Variants in PRKCQ observed in about 807,000 individuals in gnomAD.
PRKCQ encodes the protein protein kinase C theta.
In PRKCQ, 41 loss-of-function variants were observed where a neutral mutation model predicts 91.2. The ratio of observed to expected loss-of-function variants is 0.45; its 90% CI spans 0.35 to 0.58. The LOEUF (loss-of-function observed/expected upper bound fraction) is 0.58, where lower values mean the gene tolerates loss of function less well. PRKCQ is among the 20% of genes least tolerant of loss of function. The pLI, the probability that PRKCQ is intolerant of heterozygous loss-of-function variation, is 0.00. For missense variants in PRKCQ, 673 were observed against 896.5 expected, an observed-to-expected ratio of 0.75 and a Z score of 3.18; for synonymous variants, 307 against 316.9, an observed-to-expected ratio of 0.97 and a Z score of 0.33.
In PRKCQ at chr10:6,430,425, C is replaced by T. The variant is rs769167889; in HGVS notation, c.1965+385G>A. Among the ~76,000 whole-genome samples the T allele has an allele frequency of 2.6e-5, 4 of 152,158 alleles. No homozygotes were observed. The highest frequency in any genetic ancestry group is 2.1e-4 in the South Asian group (1 of 4,830). On this transcript the variant is annotated intron_variant, in intron 17 of 17. Transcript: ENST00000263125. The surrounding 1 kb of genome is among the most constrained non-coding windows in gnomAD (Gnocchi z 4.7). ...GAAAAAACAGCTCCAAAATTCCTGA[C>T]GTAGGATGCAGGGTTTATGTCCAAG...
chr10:6,515,234 T>C, intron 1 of PRKCQ, 90 bp from the exon 2 acceptor site: 2 of 1,585,202 alleles, frequency 1.3e-6, no homozygotes, highest in Non-Finnish European at 1.7e-6. Context: ...TGCTTTATCA[T>C]GGACAGCCAG....
chr10:6,566,500 T>C (rs1840841178), intron 1 of PRKCQ, among the ~76,000 whole-genome samples: 1 of 152,092 alleles, frequency 6.6e-6, no homozygotes, highest in South Asian at 2.1e-4. Context: ...GTCTCCCAAT[T>C]CCCACTTCTG....
At chr10:6,498,339 G>A in intron 5 of PRKCQ, 57 bp downstream of exon 5, 2 of 1,581,458 alleles carry the variant, frequency 1.3e-6, no homozygotes, top group African/African-American at 1.3e-5. Context: ...AGAGGATTAA[G>A]AAGACGCAAC....
chr10:6,544,773 A>G (rs1383461033), intron 1 of PRKCQ, among the ~76,000 whole-genome samples: 1 of 151,772 alleles, frequency 6.6e-6, no homozygotes, highest in Non-Finnish European at 1.5e-5. Flanking sequence ...GGCACGTACC[A>G]CCGCACCTGG....
At chr10:6,404,621 C>G in the PRKCQ span, among the ~76,000 whole-genome samples, 1 of 135,686 alleles carries the variant, frequency 7.4e-6, no homozygotes, top group Non-Finnish European at 1.5e-5. Context: ...CTTTCTTTCT[C>G]TCTTTCCTTT....
chr10:6,515,460 T>A (rs745826533), intron 1 of PRKCQ: 4 of 985,348 alleles, frequency 4.1e-6, no homozygotes, highest in Non-Finnish European at 4.8e-6. Context: ...GAGGCAAAAG[T>A]TTTCCAATAT....
chr10:6,420,181 G>A, the PRKCQ span, among the ~76,000 whole-genome samples: 1 of 152,152 alleles, frequency 6.6e-6, no homozygotes, highest in Admixed American at 6.6e-5. Context: ...TAGAGATGGG[G>A]TTTCACCATA....
intron 11 of PRKCQ, among the ~76,000 whole-genome samples, chr10:6,480,967 A>G (rs1422707526): frequency 6.6e-6 from 1 of 152,262 alleles, no homozygotes; most frequent in Non-Finnish European, 1.5e-5. Flanking sequence ...ACAAGGGTAT[A>G]GAGGTCTTGG....
chr10:6,553,162 G>C (rs891275264), intron 1 of PRKCQ, among the ~76,000 whole-genome samples: 2 of 152,118 alleles, frequency 1.3e-5, no homozygotes, highest in Non-Finnish European at 2.9e-5. Context: ...TGTGAAATCA[G>C]TTTTGACTTT....
chr10:6,510,081 T>C (rs1409952175), intron 3 of PRKCQ, among the ~76,000 whole-genome samples: 1 of 152,152 alleles, frequency 6.6e-6, no homozygotes, highest in African/African-American at 2.4e-5. Flanking sequence ...AAAATCTGAG[T>C]TATAGAAAGT....
At chr10:6,473,171 A>G (rs1836085896) in intron 12 of PRKCQ, among the ~76,000 whole-genome samples, 1 of 152,226 alleles carries the variant, frequency 6.6e-6, no homozygotes, top group Admixed American at 6.5e-5. Flanking sequence ...GCCTGTAACC[A>G]AGTTCCTGGA....
At chr10:6,474,812 A>G (rs1836183408) in intron 12 of PRKCQ, among the ~76,000 whole-genome samples, 1 of 152,076 alleles carries the variant, frequency 6.6e-6, no homozygotes, top group Non-Finnish European at 1.5e-5. Flanking sequence ...CTATTTTTTT[A>G]CTTTTTAAAA....
At position 6,428,317 on chromosome 10, in the gene PRKCQ, C is replaced by T; in HGVS notation, c.2011G>A (p.Glu671Lys). The change falls in exon 18 of 18, where the codon GAG (glutamate) becomes AAG (lysine). Residue 671 changes from glutamate to lysine, a missense_variant. Transcript: ENST00000263125. ...TCGGCAAATGACAGCCGGGGCTTCT[C>T]GTTTAAGAATTCTTTGTCGAAATTG... ...CSNFDKEFLNEKPRLSFADRA... is the reference protein window; with the variant it reads ...CSNFDKEFLNKKPRLSFADRA... 1 of 1,613,938 alleles carries T rather than the reference C, an allele frequency of 6.2e-7. No individual in the cohort carries two copies. Among genetic ancestry groups the T allele is most frequent in the Non-Finnish European group, 8.5e-7 (1 of 1,179,958 alleles).
intron 1 of PRKCQ, among the ~76,000 whole-genome samples, chr10:6,516,826 C>T (rs1002728722): frequency 6.6e-6 from 1 of 152,048 alleles, no homozygotes; most frequent in African/African-American, 2.4e-5. Flanking sequence ...AAATGCTGCC[C>T]CAGGAAGAGA....
At chr10:6,410,662 G>A in the PRKCQ span, among the ~76,000 whole-genome samples, 1 of 152,154 alleles carries the variant, frequency 6.6e-6, no homozygotes, top group Non-Finnish European at 1.5e-5. Flanking sequence ...GTCTTACAAT[G>A]AGTTGAGCAA....
At chr10:6,401,069 C>T in the PRKCQ span, among the ~76,000 whole-genome samples, 9 of 152,140 alleles carry the variant, frequency 5.9e-5, no homozygotes, top group South Asian at 6.2e-4. Flanking sequence ...TTCCCGTAAA[C>T]GATTAGGAAT....
intron 12 of PRKCQ, among the ~76,000 whole-genome samples, chr10:6,473,163 C>T (rs995160448): frequency 3.4e-4 from 51 of 152,192 alleles, no homozygotes; most frequent in African/African-American, 1.2e-3. Context: ...GAAACACTGC[C>T]TGTAACCAAG....
intron 1 of PRKCQ, among the ~76,000 whole-genome samples, chr10:6,551,097 C>A (rs1260530432): frequency 6.6e-6 from 1 of 152,104 alleles, no homozygotes; most frequent in Non-Finnish European, 1.5e-5. Flanking sequence ...TATTTCATCA[C>A]CCAGGTACTA....
At chr10:6,513,977 T>C (rs1396179852) in intron 2 of PRKCQ, among the ~76,000 whole-genome samples, 1 of 152,228 alleles carries the variant, frequency 6.6e-6, no homozygotes, top group Non-Finnish European at 1.5e-5. Context: ...GCTGTTTGTA[T>C]TTTTGTTTAT....
Sources: allele counts gnomAD v4.1 joint callset (sites outside exome capture counted in the v4.1 genomes callset), GRCh38; gene constraint gnomAD v4.1.1; non-coding constraint Gnocchi (gnomAD v3.1); transcripts MANE v1.5; gene names NCBI Gene and HGNC (gene_info 2026-07-23, HGNC 2026-07-21).